The following LASP1 variants were observed in gnomAD, a reference collection of about 807,000 sequenced individuals.
The protein encoded by LASP1 is LIM and SH3 protein 1, also known as LIM and SH3 domain protein 1.
In LASP1, 10 loss-of-function variants were observed where a neutral mutation model predicts 38.6. That is an observed-to-expected ratio of 0.26 (90% confidence interval 0.16 to 0.44). The LOEUF (loss-of-function observed/expected upper bound fraction) is 0.44. Among genes scored for constraint, LASP1 ranks in the 20% least tolerant of loss-of-function variants. LASP1 has a pLI of 1.00. For missense variants in LASP1, 243 were observed against 375.7 expected, an observed-to-expected ratio of 0.65 and a Z score of 2.92; for synonymous variants, 132 against 140.8, an observed-to-expected ratio of 0.94 and a Z score of 0.44.
intron 2 of LASP1, among the ~76,000 whole-genome samples, chr17:38,885,403 T>G (rs1474682332): frequency 1.3e-5 from 2 of 152,230 alleles, no homozygotes; most frequent in African/African-American, 4.8e-5. Context: ...CTGCTGCCAA[T>G]AGCTGCCTGT....
chr17:38,896,630 G>A (rs539671596), intron 3 of LASP1, among the ~76,000 whole-genome samples: 31 of 152,336 alleles, frequency 2.0e-4, no homozygotes, highest in Non-Finnish European at 4.0e-4. Context: ...GCACTTCATT[G>A]CTGACAGAGC....
chr17:38,903,689 TATGTTGTCA>T (rs1392517277), intron 4 of LASP1: 1 of 152,220 alleles, frequency 6.6e-6, no homozygotes, highest in Non-Finnish European at 1.5e-5. Flanking sequence ...CACACCCAGT[TATGTTGTCA>T]ATGTTATCAA....
At position 38,919,549 on chromosome 17, in the gene LASP1, C is replaced by T. The variant is rs1915238180; in HGVS notation, c.*771C>T. 4.1e-6 allele frequency: 1 copy of T among 246,858 alleles called. No individual in the cohort carries two copies. Among genetic ancestry groups the T allele is most frequent in the Non-Finnish European group, 8.0e-6 (1 of 125,084 alleles). 15.3% of individuals were successfully genotyped at this position (246,858 alleles called of 1,614,324 possible). A position where few individuals can be genotyped will look rare whatever the true frequency, so the allele number is the denominator to read the frequency against. On this transcript the variant is annotated 3_prime_UTR_variant, in exon 7 of 7. Coordinates refer to ENST00000318008, the MANE Select transcript of LASP1 (RefSeq NM_006148.4). ...GGGAACAAGGAGTTCTCTTCCGCAG[C>T]CCCTTTCCCCACGCCCACCCCCAGT...
chr17:38,913,936 A>T (rs1200521379), intron 4 of LASP1, among the ~76,000 whole-genome samples: 1 of 147,378 alleles, frequency 6.8e-6, no homozygotes, highest in African/African-American at 2.5e-5. Context: ...CTGGAGGTGG[A>T]GGTTGCGGTG....
chr17:38,893,601 C>A (rs1387728619), intron 3 of LASP1, among the ~76,000 whole-genome samples: 1 of 152,158 alleles, frequency 6.6e-6, no homozygotes, highest in African/African-American at 2.4e-5. Flanking sequence ...TTTTTGCAGG[C>A]CTGTTCTGTC....
At chr17:38,904,062 CTTT>C (rs760498357) in intron 4 of LASP1, 1 of 152,044 alleles carries the variant, frequency 6.6e-6, no homozygotes, top group African/African-American at 2.4e-5. Context: ...GTCCTTAAAA[CTTT>C]TTTTATGTGT....
chr17:38,878,973 A>T (rs773642738), intron 2 of LASP1, among the ~76,000 whole-genome samples: 33 of 148,994 alleles, frequency 2.2e-4, no homozygotes, highest in Non-Finnish European at 4.2e-4. Context: ...CTCCCATCCC[A>T]TCCCATCCCA....
Position 38,870,094 on chromosome 17 carries a change from T to A in LASP1, c.-96T>A, listed in dbSNP as rs2143712545. ...AGCTCCAGCCGCCGTCGCTGCTGCCTGTGTAGTTGCAGCCGCGGCCGCCTC... is the reference window on the plus strand; with the variant it reads ...AGCTCCAGCCGCCGTCGCTGCTGCCAGTGTAGTTGCAGCCGCGGCCGCCTC... On this transcript the variant is annotated 5_prime_UTR_variant, in exon 1 of 7. Coordinates refer to ENST00000318008, the MANE Select transcript of LASP1 (RefSeq NM_006148.4). 7.5e-7 allele frequency: 1 copy of A among 1,331,136 alleles called. No homozygotes were observed. Among genetic ancestry groups the A allele is most frequent in the Non-Finnish European group, 1.1e-6 (1 of 940,752 alleles). The allele number at this position is 1,331,136 out of a possible 1,614,324, so 82.5% of individuals were successfully genotyped here. A position where few individuals can be genotyped will look rare whatever the true frequency, so the allele number is the denominator to read the frequency against.
chr17:38,915,095 G>T lies in LASP1; in HGVS notation c.561G>T (p.Lys187Asn). The change falls in exon 6 of 7, where the codon AAG becomes AAT. Residue 187 changes from lysine to asparagine, a missense_variant. Lys to Asn is a moderately conservative substitution (Grantham distance 94). This residue lies in a region of LASP1 where 165 missense variants were observed against 210.3 expected (regional missense o/e 0.78). Coordinates refer to ENST00000318008, the MANE Select transcript of LASP1 (RefSeq NM_006148.4). ...TGGCCCAGTCCTATGGTGGCTACAA[G>T]GAGCCTGCAGCCCCAGTCTCCATAC... ...QPVAQSYGGY[K>N]EPAAPVSIQR... 1 of 1,613,980 alleles carries T rather than the reference G, an allele frequency of 6.2e-7. No individual in the cohort carries two copies. Among genetic ancestry groups the T allele is most frequent in the Non-Finnish European group, 8.5e-7 (1 of 1,179,998 alleles).
At position 38,914,305 on chromosome 17, in the gene LASP1, AG is replaced by A; in HGVS notation, c.358-19del. 2 of 1,594,604 alleles carry A rather than the reference AG, an allele frequency of 1.3e-6. No homozygotes were observed. The highest frequency in any genetic ancestry group is 1.7e-6 in the Non-Finnish European group (2 of 1,171,576). On this transcript the variant is annotated intron_variant, in intron 4 of 6. Coordinates refer to ENST00000318008, the MANE Select transcript of LASP1 (RefSeq NM_006148.4). ...TGGTTTGCAGTGGGACCCTTCACCT[AG>A]TGCCTTCTGACCTTGCAGATAAAAT...
intron 4 of LASP1, among the ~76,000 whole-genome samples, chr17:38,907,350 G>T: frequency 6.6e-6 from 1 of 152,242 alleles, no homozygotes; most frequent in African/African-American, 2.4e-5. Context: ...GAAAAGGGGT[G>T]CATTGAAATT....
intron 4 of LASP1, among the ~76,000 whole-genome samples, chr17:38,899,687 A>C (rs1352860565): frequency 6.6e-6 from 1 of 151,778 alleles, no homozygotes; most frequent in African/African-American, 2.4e-5. Flanking sequence ...ATTTATGTAG[A>C]GGGAAAACAG....
chr17:38,877,168 G>C (rs1468328106), intron 1 of LASP1, among the ~76,000 whole-genome samples: 1 of 152,230 alleles, frequency 6.6e-6, no homozygotes, highest in Non-Finnish European at 1.5e-5. Flanking sequence ...GAGGTGCCAA[G>C]TGCTGTGCTG....
chr17:38,882,339 C>A (rs1013958033), intron 2 of LASP1, among the ~76,000 whole-genome samples: 39 of 152,296 alleles, frequency 2.6e-4, no homozygotes, highest in African/African-American at 8.4e-4. Flanking sequence ...CCTCTGCCTC[C>A]CAGGTTCAAG....
chr17:38,892,068 G>T (rs986118361), intron 3 of LASP1, among the ~76,000 whole-genome samples: 1 of 152,206 alleles, frequency 6.6e-6, no homozygotes, highest in Non-Finnish European at 1.5e-5. Context: ...CAGCCTGGGT[G>T]ATGGGGTGAG....
At chr17:38,876,253 A>G (rs1231906215) in intron 1 of LASP1, among the ~76,000 whole-genome samples, 1 of 143,056 alleles carries the variant, frequency 7.0e-6, no homozygotes, top group Admixed American at 7.5e-5. Context: ...ATCTTGGCTC[A>G]CTGCAACCTC....
At chr17:38,876,961 C>A (rs1698410261) in intron 1 of LASP1, among the ~76,000 whole-genome samples, 1 of 152,156 alleles carries the variant, frequency 6.6e-6, no homozygotes, top group Non-Finnish European at 1.5e-5. Context: ...CCTCGGCCTC[C>A]CAAAGTGCGG....
chr17:38,918,101 T>C lies in LASP1; in HGVS notation c.613-504T>C, dbSNP rs1479893024. On this transcript the variant is annotated intron_variant, in intron 6 of 6. Transcript: ENST00000318008. The surrounding 1 kb of genome is among the most constrained non-coding windows in gnomAD (Gnocchi z 4.4). ...GTTGCAGTGAGCCAAGATCACACCA[T>C]TGCACTCCAGCTTGGGTGACAAAGC... Among the ~76,000 whole-genome samples the C allele has an allele frequency of 6.6e-6, 1 of 150,414 alleles. No homozygotes were observed.
intron 4 of LASP1, among the ~76,000 whole-genome samples, chr17:38,908,902 G>A (rs1193986728): frequency 1.3e-5 from 2 of 152,236 alleles, no homozygotes; most frequent in Non-Finnish European, 2.9e-5. Flanking sequence ...TGTGCGGAGG[G>A]GATGCCCAAA....
Sources: gnomAD v4.1 joint callset for allele counts (sites outside exome capture counted in the v4.1 genomes callset) on GRCh38, gnomAD v4.1.1 for gene constraint, gnomAD v4.1.1 regional missense constraint, Gnocchi (gnomAD v3.1) non-coding constraint, MANE v1.5 for transcripts, NCBI Gene and HGNC (gene_info 2026-07-23, HGNC 2026-07-21) for gene names.